Variants in SPARC observed in about 807,000 individuals in gnomAD.
SPARC encodes the protein basement-membrane protein 40.
SPARC carries 23 observed loss-of-function variants against 37.7 expected under a neutral mutation model. The observed-to-expected ratio is 0.61, with a 90% CI of 0.44 to 0.87. The LOEUF (loss-of-function observed/expected upper bound fraction) is 0.87, where lower values mean the gene tolerates loss of function less well. Among genes scored for constraint, SPARC ranks in the 40% least tolerant of loss-of-function variants. SPARC has a pLI of 0.00. For missense variants in SPARC, 312 were observed against 389.0 expected (o/e 0.80, Z 1.66); for synonymous variants, 155 against 150.8 (o/e 1.03, Z -0.20).
intron 1 of SPARC, chr5:151,677,150 T>C (rs725937): frequency 0.61 from 93,472 of 152,096 alleles, 29,101 homozygotes; most frequent in African/African-American, 0.69. Flanking sequence ...GATTCAAAAC[T>C]AAAATGCTAT....
At position 151,667,518 on chromosome 5, in the gene SPARC, C is replaced by T. The variant is rs369501918; in HGVS notation, c.534G>A (p.Leu178=). The T allele has an allele frequency of 8.7e-6, 14 of 1,614,090 alleles. No individual in the cohort carries two copies. Among genetic ancestry groups the T allele is most frequent in the Non-Finnish European group, 1.2e-5 (14 of 1,180,040 alleles). Residue 178 remains leucine, a synonymous_variant, in exon 7 of 10, where the codon CTG becomes CTA. Coordinates refer to ENST00000231061, the MANE Select transcript of SPARC (RefSeq NM_003118.4). The stretch of plus-strand genomic sequence containing the variant: ...GGTTGTTGTCCTCATCCCTCTCATA[C>T]AGGGTGACCAGGACGTTCTTGAGCC... ...RDWLKNVLVT[L]YERDEDNNLL... is the part of the protein sequence containing the mutation.
intron 8 of SPARC, among the ~76,000 whole-genome samples, chr5:151,665,219 G>A (rs949234325): frequency 1.3e-5 from 2 of 152,212 alleles, no homozygotes; most frequent in African/African-American, 4.8e-5. Context: ...TTTCCCAGAT[G>A]TGCTGTTCTT....
At chr5:151,685,396 T>C (rs1243630324) in intron 1 of SPARC, among the ~76,000 whole-genome samples, 9 of 121,992 alleles carry the variant, frequency 7.4e-5, no homozygotes, top group Non-Finnish European at 1.0e-4. Context: ...ATTCATCCTC[T>C]CTCTCTCTCT....
intron 3 of SPARC, among the ~76,000 whole-genome samples, chr5:151,674,056 G>A (rs1017395824): frequency 2.0e-5 from 3 of 151,526 alleles, no homozygotes; most frequent in Non-Finnish European, 2.9e-5. Context: ...CTGTCGCCCA[G>A]GGTAGAGTAC....
intron 1 of SPARC, among the ~76,000 whole-genome samples, chr5:151,686,139 G>C (rs1320307842): frequency 6.6e-6 from 1 of 151,690 alleles, no homozygotes; most frequent in Non-Finnish European, 1.5e-5. Context: ...TCTGATGTCT[G>C]GGTTTTCAGA....
chr5:151,671,572 C>T lies in SPARC; in HGVS notation c.330+1G>A. On this transcript the variant is annotated splice_donor_variant, in intron 5 of 9. Transcript: ENST00000231061. LOFTEE classifies it high-confidence loss of function. ...CCCTGCCCCTGTCTCTCAGCCCTCA[C>T]CTTCTCAAACTCGCCAATGGGGGCT... 1 of 1,570,116 alleles carries T rather than the reference C, an allele frequency of 6.4e-7. No individual in the cohort carries two copies. Among genetic ancestry groups the T allele is most frequent in the Non-Finnish European group, 8.6e-7 (1 of 1,158,970 alleles).
chr5:151,672,202 G>A (rs1023492726), intron 4 of SPARC, among the ~76,000 whole-genome samples: 6 of 152,206 alleles, frequency 3.9e-5, no homozygotes, highest in Non-Finnish European at 7.3e-5. Context: ...GGTAAACACC[G>A]GATGAGGTGG....
chr5:151,674,902 T>C (rs1407404799), intron 2 of SPARC, among the ~76,000 whole-genome samples: 4 of 152,204 alleles, frequency 2.6e-5, no homozygotes, highest in Non-Finnish European at 5.9e-5. Flanking sequence ...ATATTTTATA[T>C]CCTAGGTGTC....
At chr5:151,680,044 T>C (rs1480236767) in intron 1 of SPARC, among the ~76,000 whole-genome samples, 2 of 152,150 alleles carry the variant, frequency 1.3e-5, no homozygotes, top group South Asian at 2.1e-4. Context: ...AAGTGGTTAC[T>C]GAATGCTTGA....
At chr5:151,668,157 CT>C (rs1215347332) in intron 6 of SPARC, among the ~76,000 whole-genome samples, 124 of 90,424 alleles carry the variant, frequency 1.4e-3, no homozygotes, top group Middle Eastern at 6.0e-3. Flanking sequence ...TTTTTTTCTT[CT>C]TTTTTTTTTT....
At chr5:151,684,800 G>C (rs1417178216) in intron 1 of SPARC, among the ~76,000 whole-genome samples, 2 of 152,048 alleles carry the variant, frequency 1.3e-5, no homozygotes, top group South Asian at 2.1e-4. Flanking sequence ...ACTGTAGAGG[G>C]AATGGGGCCC....
chr5:151,674,046 C>T (rs1188126596), intron 3 of SPARC, among the ~76,000 whole-genome samples: 1 of 151,510 alleles, frequency 6.6e-6, no homozygotes, highest in Non-Finnish European at 1.5e-5. Flanking sequence ...GAGTCTCATG[C>T]TGTCGCCCAG....
At chr5:151,673,966 CTGTGTG>C (rs3138755) in intron 3 of SPARC, among the ~76,000 whole-genome samples, 8,165 of 141,784 alleles carry the variant, frequency 0.058, 394 homozygotes, top group African/African-American at 0.13. Flanking sequence ...CCCCTTTCCT[CTGTGTG>C]TGTGTGTGTG....
intron 1 of SPARC, among the ~76,000 whole-genome samples, chr5:151,682,027 T>C (rs1761005741): frequency 6.6e-6 from 1 of 151,532 alleles, no homozygotes. Flanking sequence ...ATGGAACCCT[T>C]AGGCAAGGTG....
In SPARC at chr5:151,666,352, G is replaced by A; in HGVS notation, c.734+9C>T. On this transcript the variant is annotated intron_variant, in intron 8 of 9. Coordinates refer to ENST00000231061, the MANE Select transcript of SPARC (RefSeq NM_003118.4). ...TGAGCTCTGTTCACTCTAGGGTCTGGGGTCTTACCCGTCAATGGGGTGCTG... is the reference window on the plus strand; with the variant it reads ...TGAGCTCTGTTCACTCTAGGGTCTGAGGTCTTACCCGTCAATGGGGTGCTG... The A allele has an allele frequency of 6.2e-7, 1 of 1,613,098 alleles. No homozygotes were observed. Among genetic ancestry groups the A allele is most frequent in the African/African-American group, 1.3e-5 (1 of 75,024 alleles).
intron 1 of SPARC, chr5:151,679,869 G>A (rs1760945636): frequency 6.6e-6 from 1 of 152,188 alleles, no homozygotes; most frequent in African/African-American, 2.4e-5. Context: ...TGGACTGTGG[G>A]TCTCAGAATG....
intron 6 of SPARC, among the ~76,000 whole-genome samples, chr5:151,668,324 T>C (rs1325654087): frequency 6.6e-6 from 1 of 152,058 alleles, no homozygotes; most frequent in Admixed American, 6.5e-5. Context: ...AGCTAATTTT[T>C]GTATATTTTC....
intron 8 of SPARC, among the ~76,000 whole-genome samples, chr5:151,664,660 G>A (rs1760585726): frequency 6.6e-6 from 1 of 152,130 alleles, no homozygotes; most frequent in Non-Finnish European, 1.5e-5. Context: ...TATTGTCTAT[G>A]GACACACATT....
Position 151,663,484 on chromosome 5 carries a change from C to A in SPARC, c.*87G>T. The A allele has an allele frequency of 3.0e-6, 4 of 1,342,856 alleles. No homozygotes were observed. The highest frequency in any genetic ancestry group is 4.3e-6 in the Non-Finnish European group (4 of 937,294). 83.2% of individuals were successfully genotyped at this position (1,342,856 alleles called of 1,614,324 possible). A position where few individuals can be genotyped will look rare whatever the true frequency, so the allele number is the denominator to read the frequency against. ...GTTAGCACCTTGTCTCCAGGCAGAA[C>A]AACAAACCATCCAAACATTTTAAAC... On this transcript the variant is annotated 3_prime_UTR_variant, in exon 10 of 10. Transcript: ENST00000231061.
Sources: gnomAD v4.1 joint callset for allele counts (sites outside exome capture counted in the v4.1 genomes callset) on GRCh38, gnomAD v4.1.1 for gene constraint, MANE v1.5 for transcripts, NCBI Gene and HGNC (gene_info 2026-07-23, HGNC 2026-07-21) for gene names.